Variants in ADAM18 observed in about 807,000 individuals in gnomAD.
The protein encoded by ADAM18 is disintegrin and metalloproteinase domain-containing protein 18.
ADAM18 carries 117 observed loss-of-function variants against 94.4 expected under a neutral mutation model. The ratio of observed to expected loss-of-function variants is 1.24; its 90% CI spans 1.07 to 1.45. The LOEUF is 1.45. ADAM18 is among the 40% of genes most tolerant of loss of function. The pLI is 0.00. For synonymous variants in ADAM18, 327 were observed against 291.6 expected, an observed-to-expected ratio of 1.12 and a Z score of -1.24; for missense variants, 936 against 880.0, an observed-to-expected ratio of 1.06 and a Z score of -0.81.
intron 12 of ADAM18, among the ~76,000 whole-genome samples, chr8:39,660,410 T>C (rs2129579974): frequency 6.6e-6 from 1 of 152,300 alleles, no homozygotes; most frequent in East Asian, 1.9e-4. Flanking sequence ...TGCAAGACTA[T>C]ATTTCATGCA....
Position 39,680,250 on chromosome 8 carries a change from T to C in ADAM18, c.1821+24T>C, listed in dbSNP as rs368083824. ...TGGTAACAAAATGTGATAATTTATA[T>C]TCAGCTGTGTTAAATTATGTGAATT... On this transcript the variant is annotated intron_variant, in intron 16 of 19. Coordinates refer to ENST00000265707, the MANE Select transcript of ADAM18 (RefSeq NM_014237.3). The C allele has an allele frequency of 1.4e-5, 23 of 1,591,362 alleles. No individual in the cohort carries two copies. In the African/African-American group the frequency reaches 3.0e-4, roughly 21 times the overall value.
chr8:39,709,921 G>A (rs1563316298), intron 18 of ADAM18, among the ~76,000 whole-genome samples: 2 of 152,206 alleles, frequency 1.3e-5, no homozygotes, highest in South Asian at 4.1e-4. Context: ...AATGAACAGA[G>A]CATGAAAATA....
chr8:39,623,002 T>C (rs1418512221), intron 6 of ADAM18, among the ~76,000 whole-genome samples: 1 of 152,188 alleles, frequency 6.6e-6, no homozygotes, highest in Non-Finnish European at 1.5e-5. Context: ...ACCCAATATG[T>C]GGCTTTTAAT....
intron 17 of ADAM18, among the ~76,000 whole-genome samples, chr8:39,697,099 A>G (rs1821947972): frequency 6.6e-6 from 1 of 151,524 alleles, no homozygotes; most frequent in Non-Finnish European, 1.5e-5. Context: ...TTTGTTCTTA[A>G]GTAGTATTCT....
chr8:39,670,772 C>T (rs1371021708), intron 14 of ADAM18, among the ~76,000 whole-genome samples: 1 of 152,108 alleles, frequency 6.6e-6, no homozygotes, highest in Admixed American at 6.6e-5. Flanking sequence ...AGGAAAATAC[C>T]GCCATCTGTC....
chr8:39,723,617 C>A, intron 18 of ADAM18, 131 bp from the exon 19 acceptor site: 1 of 550,202 alleles, frequency 1.8e-6, no homozygotes, highest in Non-Finnish European at 2.9e-6. Flanking sequence ...CATTTATGTT[C>A]TATTTTTCCT....
At chr8:39,719,066 A>G (rs1356439620) in intron 18 of ADAM18, among the ~76,000 whole-genome samples, 1 of 151,356 alleles carries the variant, frequency 6.6e-6, no homozygotes, top group Non-Finnish European at 1.5e-5. Flanking sequence ...TGTTGGAGGA[A>G]ATACACTGCC....
chr8:39,617,836 G>A (rs1246910969), intron 6 of ADAM18, among the ~76,000 whole-genome samples: 1 of 149,444 alleles, frequency 6.7e-6, no homozygotes, highest in Non-Finnish European at 1.5e-5. Context: ...GGGCCTACTT[G>A]AGAATGTAGG....
intron 7 of ADAM18, among the ~76,000 whole-genome samples, chr8:39,632,395 C>T (rs1819954006): frequency 6.6e-6 from 1 of 151,928 alleles, no homozygotes; most frequent in Non-Finnish European, 1.5e-5. Context: ...CCCTTATATT[C>T]CCTGTTTTCC....
intron 14 of ADAM18, among the ~76,000 whole-genome samples, chr8:39,670,711 C>T (rs1821129621): frequency 6.6e-6 from 1 of 152,138 alleles, no homozygotes; most frequent in Admixed American, 6.5e-5. Flanking sequence ...GTGTTCTTTG[C>T]ATTTAAAACA....
rs147264964 is a variant in ADAM18, at chr8:39,643,173, C to T, written c.910-2165C>T. Among the ~76,000 whole-genome samples the T allele has an allele frequency of 8.5e-4, 130 of 152,098 alleles. 1 individual carries two copies. Among genetic ancestry groups the T allele is most frequent in the African/African-American group, 2.7e-3 (113 of 41,502 alleles). ...GCTGAAATTGTTTATCAGTTTAAGA[C>T]GTATTTGGGATGAGATTGTGGGGTT... On this transcript the variant is annotated intron_variant, in intron 10 of 19. Coordinates refer to ENST00000265707, the MANE Select transcript of ADAM18 (RefSeq NM_014237.3).
chr8:39,693,515 A>G (rs1381618642), intron 17 of ADAM18, among the ~76,000 whole-genome samples: 4 of 151,290 alleles, frequency 2.6e-5, no homozygotes, highest in African/African-American at 9.7e-5. Flanking sequence ...GCAATATCTC[A>G]ACACAAAGTT....
At chr8:39,608,458 C>A (rs1212586972) in intron 3 of ADAM18, among the ~76,000 whole-genome samples, 2 of 151,832 alleles carry the variant, frequency 1.3e-5, no homozygotes, top group African/African-American at 4.8e-5. Context: ...AGTCATATTG[C>A]CCCCTAGTTG....
intron 13 of ADAM18, among the ~76,000 whole-genome samples, chr8:39,666,607 G>A (rs995813581): frequency 1.3e-5 from 2 of 152,148 alleles, no homozygotes; most frequent in African/African-American, 4.8e-5. Flanking sequence ...TGGCTGGGAA[G>A]GCCTCACAAT....
chr8:39,591,599 C>A (rs1361568314), intron 2 of ADAM18, among the ~76,000 whole-genome samples: 3 of 152,144 alleles, frequency 2.0e-5, no homozygotes, highest in African/African-American at 7.2e-5. Context: ...AGTTCTCTTG[C>A]CATTTCTACC....
intron 11 of ADAM18, among the ~76,000 whole-genome samples, chr8:39,645,970 A>G (rs1327131290): frequency 6.6e-6 from 1 of 152,120 alleles, no homozygotes; most frequent in Non-Finnish European, 1.5e-5. Context: ...AAAACAAAGT[A>G]TTTTAAAATA....
chr8:39,673,740 G>A (rs1413073507), intron 14 of ADAM18, among the ~76,000 whole-genome samples: 1 of 152,108 alleles, frequency 6.6e-6, no homozygotes, highest in East Asian at 1.9e-4. Flanking sequence ...GATCTTTCCT[G>A]CTTTCTCTTG....
intron 16 of ADAM18, among the ~76,000 whole-genome samples, chr8:39,690,322 T>G (rs1351006352): frequency 1.3e-5 from 2 of 151,642 alleles, no homozygotes; most frequent in East Asian, 3.9e-4. Flanking sequence ...GCATGGCAAG[T>G]GGAAGGTGTG....
At chr8:39,601,896 A>C (rs1234764639) in intron 2 of ADAM18, among the ~76,000 whole-genome samples, 1 of 152,016 alleles carries the variant, frequency 6.6e-6, no homozygotes, top group Non-Finnish European at 1.5e-5. Flanking sequence ...ACTACATTAG[A>C]TATTTTATAT....
Sources: allele counts gnomAD v4.1 joint callset (sites outside exome capture counted in the v4.1 genomes callset), GRCh38; gene constraint gnomAD v4.1.1; transcripts MANE v1.5; gene names NCBI Gene and HGNC (gene_info 2026-07-23, HGNC 2026-07-21).